ATP2B4: variants seen among roughly 807,000 people sequenced by gnomAD.
ATP2B4 encodes the protein ATPase plasma membrane Ca2+ transporting 4.
A neutral mutation model predicts 110.3 loss-of-function variants in ATP2B4; 39 were observed. That is an observed-to-expected ratio of 0.35 (90% confidence interval 0.27 to 0.46). The LOEUF is 0.46. Ranked by LOEUF, ATP2B4 falls within the 20% of genes least tolerant of loss-of-function variation. ATP2B4 has a pLI of 1.00. For missense variants in ATP2B4, 1,135 were observed against 1,530.9 expected (o/e 0.74, Z 4.32); for synonymous variants, 538 against 571.7 (o/e 0.94, Z 0.84).
At chr1:203,657,071 A>G (rs573888423) in intron 1 of ATP2B4, 10 of 829,604 alleles carry the variant, frequency 1.2e-5, no homozygotes, top group South Asian at 8.6e-5. Flanking sequence ...ACAAGGCCCA[A>G]TTCGCTCACA....
intron 1 of ATP2B4, among the ~76,000 whole-genome samples, chr1:203,654,991 T>C (rs938784681): frequency 2.0e-5 from 3 of 151,988 alleles, no homozygotes; most frequent in African/African-American, 7.2e-5. Flanking sequence ...CCAACCCTCA[T>C]GGCTGACTTT....
intron 15 of ATP2B4, among the ~76,000 whole-genome samples, chr1:203,716,809 G>T (rs150170087): frequency 2.1e-5 from 3 of 145,096 alleles, no homozygotes; most frequent in Admixed American, 2.1e-4. Context: ...CAAGTAGTTG[G>T]TTCTAGAAGT....
At position 203,741,383 on chromosome 1, in the gene ATP2B4, C is replaced by T. The variant is rs1483611759; in HGVS notation, c.*1529C>T. On this transcript the variant is annotated 3_prime_UTR_variant, in exon 21 of 21. Coordinates refer to ENST00000357681, the MANE Select transcript of ATP2B4 (RefSeq NM_001684.5). ...TGCCTCTCAGGAGTTGGGGACTTTG[C>T]TAGGAGATTTTTTAAGTGTTCCTTA... 4 of 152,572 alleles carry T rather than the reference C, an allele frequency of 2.6e-5. No homozygotes were observed. Among genetic ancestry groups the T allele is most frequent in the African/African-American group, 9.7e-5 (4 of 41,422 alleles). The allele number at this position is 152,572 out of a possible 1,614,324, so 9.5% of individuals were successfully genotyped here. A position where few individuals can be genotyped will look rare whatever the true frequency, so the allele number is the denominator to read the frequency against.
chr1:203,697,894 A>G (rs1665578645), intron 2 of ATP2B4, among the ~76,000 whole-genome samples: 1 of 152,102 alleles, frequency 6.6e-6, no homozygotes, highest in Non-Finnish European at 1.5e-5. Flanking sequence ...TTGTGGAGAC[A>G]AGGTTTCACC....
At chr1:203,702,005 T>G (rs185985996) in intron 6 of ATP2B4, 39 bp from the exon 7 acceptor site, 14 of 1,613,298 alleles carry the variant, frequency 8.7e-6, no homozygotes, top group Admixed American at 8.3e-5. Context: ...ATAGTTACTT[T>G]GGGTTTCGAC....
intron 13 of ATP2B4, 89 bp from the exon 14 acceptor site, chr1:203,713,076 C>T (rs1475964077): frequency 2.9e-6 from 4 of 1,391,382 alleles, no homozygotes; most frequent in Middle Eastern, 1.8e-4. Flanking sequence ...ACCCAATCTC[C>T]CAGTGACTCC....
chr1:203,656,066 AT>A (rs56042023), intron 1 of ATP2B4, among the ~76,000 whole-genome samples: 4,670 of 147,102 alleles, frequency 0.032, 159 homozygotes, highest in East Asian at 0.18. Context: ...ACGCCCAGCT[AT>A]TTTTTTTTTT....
rs188051947 is a variant in ATP2B4, at chr1:203,650,451, A to G, written c.-465+23232A>G. On this transcript the variant is annotated intron_variant, in intron 1 of 20. Coordinates refer to ENST00000357681, the MANE Select transcript of ATP2B4 (RefSeq NM_001684.5). The stretch of plus-strand genomic sequence containing the variant: ...AGTGAGTCATCGGCCCCCTCTGAGC[A>G]ATCGCTGCTGCCCAGGTGGAGTCGG... 4.4e-3 allele frequency among the ~76,000 whole-genome samples: 677 copies of G among 152,280 alleles called. 5 individuals are homozygous for G. Among genetic ancestry groups the G allele is most frequent in the African/African-American group, 0.015 (636 of 41,554 alleles).
intron 1 of ATP2B4, among the ~76,000 whole-genome samples, chr1:203,662,280 C>T (rs1664363325): frequency 1.3e-5 from 2 of 152,210 alleles, no homozygotes; most frequent in Admixed American, 1.3e-4. Flanking sequence ...CCCGTCTCAG[C>T]CTCCCAAAGT....
At chr1:203,702,749 A>G (rs4951081) in intron 7 of ATP2B4, among the ~76,000 whole-genome samples, 71,322 of 152,082 alleles carry the variant, frequency 0.47, 18,423 homozygotes, top group East Asian at 0.82. Context: ...GCTGAGCCCT[A>G]TAGCAGTGAA....
chr1:203,682,526 A>G (rs1444689310), intron 1 of ATP2B4, among the ~76,000 whole-genome samples: 1 of 152,036 alleles, frequency 6.6e-6, no homozygotes, highest in East Asian at 1.9e-4. Flanking sequence ...TTACTCCTCT[A>G]CATTGGAGTT....
chr1:203,656,958 A>T, intron 1 of ATP2B4: 1 of 697,666 alleles, frequency 1.4e-6, no homozygotes, highest in Non-Finnish European at 2.6e-6. Flanking sequence ...ATTATATATG[A>T]AATTGCTGTC....
At chr1:203,648,865 C>T (rs1055030377) in intron 1 of ATP2B4, among the ~76,000 whole-genome samples, 6 of 152,184 alleles carry the variant, frequency 3.9e-5, no homozygotes, top group African/African-American at 1.4e-4. Context: ...TTGGTTATCT[C>T]AGAACCTCAG....
At chr1:203,733,610 C>T in intron 20 of ATP2B4, 2 of 488,452 alleles carry the variant, frequency 4.1e-6, no homozygotes, top group Admixed American at 4.0e-5. Context: ...GCTATTAAAC[C>T]TTAACTGTTT....
At chr1:203,663,762 A>G (rs1179333992) in intron 1 of ATP2B4, among the ~76,000 whole-genome samples, 1 of 151,766 alleles carries the variant, frequency 6.6e-6, no homozygotes, top group African/African-American at 2.4e-5. Flanking sequence ...ATGCTACCAC[A>G]CCCAGCTAAT....
At chr1:203,666,752 C>T (rs1664515696) in intron 1 of ATP2B4, among the ~76,000 whole-genome samples, 1 of 152,082 alleles carries the variant, frequency 6.6e-6, no homozygotes, top group Non-Finnish European at 1.5e-5. Flanking sequence ...TTGCCATATC[C>T]CCCTCTTATC....
intron 19 of ATP2B4, 36 bp from the exon 20 acceptor site, chr1:203,727,359 T>C: frequency 6.2e-7 from 1 of 1,609,886 alleles, no homozygotes; most frequent in Non-Finnish European, 8.5e-7. Flanking sequence ...CTCACGCTGA[T>C]TCTGACGTCT....
At chr1:203,632,009 G>A (rs1663283303) in intron 1 of ATP2B4, among the ~76,000 whole-genome samples, 1 of 152,136 alleles carries the variant, frequency 6.6e-6, no homozygotes, top group South Asian at 2.1e-4. Context: ...GCCCAGGCTG[G>A]TCTCAAACTC....
At chr1:203,674,669 T>C (rs988805553) in intron 1 of ATP2B4, among the ~76,000 whole-genome samples, 1 of 77,648 alleles carries the variant, frequency 1.3e-5, no homozygotes, top group African/African-American at 3.9e-5. Flanking sequence ...TTTTTTTTTT[T>C]TTTCTGAGAT....
Sources: allele counts gnomAD v4.1 joint callset (sites outside exome capture counted in the v4.1 genomes callset), GRCh38; gene constraint gnomAD v4.1.1; transcripts MANE v1.5; gene names NCBI Gene and HGNC (gene_info 2026-07-23, HGNC 2026-07-21).